Variants in MS4A4A observed in about 807,000 individuals in gnomAD.
MS4A4A encodes the protein membrane spanning 4-domains A4A, also known as membrane-spanning 4-domains subfamily A member 4A.
Under a neutral mutation model 28.0 loss-of-function variants are expected in MS4A4A, and 26 were observed. The ratio of observed to expected loss-of-function variants is 0.93; its 90% CI spans 0.68 to 1.29. The LOEUF is 1.29. Among genes scored for constraint, MS4A4A ranks in the 50% most tolerant of loss-of-function variants. The pLI is 0.00. For synonymous variants in MS4A4A, 86 were observed against 100.8 expected (o/e 0.85, Z 0.88); for missense variants, 290 against 293.1 (o/e 0.99, Z 0.08).
chr11:60,280,795 G>A (rs887883463), intron 1 of MS4A4A, 79 bp downstream of exon 1: 4 of 1,547,712 alleles, frequency 2.6e-6, no homozygotes, highest in Non-Finnish European at 3.5e-6. Context: ...TTCTGGGAGG[G>A]GAATGAGAAG....
intron 1 of MS4A4A, among the ~76,000 whole-genome samples, chr11:60,283,715 C>T (rs1367956707): frequency 6.6e-6 from 1 of 152,152 alleles, no homozygotes; most frequent in Non-Finnish European, 1.5e-5. Flanking sequence ...AAGGACAATT[C>T]CCTTAAGTGT....
chr11:60,301,087 A>G (rs755520504), intron 4 of MS4A4A, 30 bp downstream of exon 4: 11 of 1,507,702 alleles, frequency 7.3e-6, no homozygotes, highest in African/African-American at 1.4e-5. Context: ...TTTGGTATCA[A>G]AAAAAGGAAG....
intron 1 of MS4A4A, among the ~76,000 whole-genome samples, chr11:60,290,901 G>A (rs928286666): frequency 2.0e-5 from 3 of 151,982 alleles, no homozygotes; most frequent in African/African-American, 4.8e-5. Flanking sequence ...CAAATTTGGA[G>A]TACAACAATT....
chr11:60,294,786 T>C (rs2084887795), intron 2 of MS4A4A, among the ~76,000 whole-genome samples: 1 of 152,108 alleles, frequency 6.6e-6, no homozygotes, highest in South Asian at 2.1e-4. Flanking sequence ...CTTTCTACTC[T>C]ATTCCATTAT....
In MS4A4A at chr11:60,308,247, G is replaced by A. The variant is rs1204618975; in HGVS notation, c.*69G>A. 9 of 1,467,040 alleles carry A rather than the reference G, an allele frequency of 6.1e-6. No individual in the cohort carries two copies. Among genetic ancestry groups the A allele is most frequent in the Non-Finnish European group, 6.7e-6 (7 of 1,049,994 alleles). 90.9% of individuals were successfully genotyped at this position (1,467,040 alleles called of 1,614,324 possible). Reference sequence around the variant, plus strand: ...TGACTGTGACACAAGAGCCTCACATGAGAAATTACCAGTATCCAACTTCGA... The same window carrying A: ...TGACTGTGACACAAGAGCCTCACATAAGAAATTACCAGTATCCAACTTCGA... On this transcript the variant is annotated 3_prime_UTR_variant, in exon 7 of 7. Transcript: ENST00000337908.
chr11:60,304,051 G>GA (rs2084976745), intron 5 of MS4A4A, among the ~76,000 whole-genome samples: 1 of 152,136 alleles, frequency 6.6e-6, no homozygotes, highest in African/African-American at 2.4e-5. Flanking sequence ...CTCAAAATAA[G>GA]AAAAAGCTTC....
rs140807080 is a variant in MS4A4A at position 60,301,059 on chromosome 11, T to G, written c.387+2T>G. On this transcript the variant is annotated splice_donor_variant, in intron 4 of 6. Coordinates refer to ENST00000337908, the MANE Select transcript of MS4A4A (RefSeq NM_148975.3). LOFTEE classifies it high-confidence loss of function. Reference sequence around the variant, plus strand: ...GGAATTAGAACTACAAAAGGCCTGGTGAGTAATATTTTCTTTTTTTGGTAT... The same window carrying G: ...GGAATTAGAACTACAAAAGGCCTGGGGAGTAATATTTTCTTTTTTTGGTAT... 23 of 1,586,556 alleles carry G rather than the reference T, an allele frequency of 1.4e-5. No homozygotes were observed. The African/African-American group carries it at 2.2e-4, about 15-fold the overall frequency.
intron 1 of MS4A4A, chr11:60,290,242 A>G (rs4939331): frequency 0.2 from 53,510 of 262,016 alleles, 6,035 homozygotes; most frequent in South Asian, 0.3. Flanking sequence ...GATTATAAAC[A>G]GTAATTTATG....
In MS4A4A at chr11:60,303,500, G is replaced by A. The variant is rs556523739; in HGVS notation, c.546+783G>A. Among the ~76,000 whole-genome samples the A allele has an allele frequency of 2.6e-5, 4 of 152,276 alleles. No individual in the cohort carries two copies. The East Asian group carries it at 5.8e-4, about 22-fold the overall frequency. On this transcript the variant is annotated intron_variant, in intron 5 of 6. Coordinates refer to ENST00000337908, the MANE Select transcript of MS4A4A (RefSeq NM_148975.3). ...AGGTGGGTGGGTCACCTGAGGTCAG[G>A]AGTTCAAGACCAGCCTGGCCAACAT...
intron 1 of MS4A4A, among the ~76,000 whole-genome samples, 176 bp downstream of exon 1, chr11:60,280,892 G>A (rs2084750109): frequency 1.3e-5 from 2 of 152,084 alleles, no homozygotes; most frequent in South Asian, 4.2e-4. Context: ...TCGGTGGGGG[G>A]ATGAGGAACA....
chr11:60,298,093 G>T (rs2084921651), intron 3 of MS4A4A, among the ~76,000 whole-genome samples: 1 of 150,704 alleles, frequency 6.6e-6, no homozygotes, highest in Non-Finnish European at 1.5e-5. Context: ...AATTAGAATT[G>T]GAATTTAAAT....
At chr11:60,289,727 C>G (rs1010489729) in intron 1 of MS4A4A, among the ~76,000 whole-genome samples, 46 of 151,840 alleles carry the variant, frequency 3.0e-4, no homozygotes, top group African/African-American at 1.1e-3. Context: ...CACTTCTAAT[C>G]TTTTAACCTC....
At chr11:60,297,382 C>T (rs2084915569) in intron 3 of MS4A4A, 57 bp downstream of exon 3, 22 of 1,580,506 alleles carry the variant, frequency 1.4e-5, no homozygotes, top group Non-Finnish European at 1.6e-5. Context: ...TGTCAATACC[C>T]TGATCTTTGG....
At chr11:60,297,170 A>G (rs1436307635) in intron 2 of MS4A4A, 27 bp from the exon 3 acceptor site, 2 of 1,611,122 alleles carry the variant, frequency 1.2e-6, no homozygotes, top group African/African-American at 2.7e-5. Context: ...GTGGACAATC[A>G]GTTTTTGCTT....
At chr11:60,287,256 C>T (rs1039552379) in intron 1 of MS4A4A, among the ~76,000 whole-genome samples, 6 of 152,108 alleles carry the variant, frequency 3.9e-5, no homozygotes, top group Non-Finnish European at 5.9e-5. Flanking sequence ...GCTTATAGCT[C>T]TAGAGGCTGG....
chr11:60,290,225 T>C, intron 1 of MS4A4A: 1 of 293,982 alleles, frequency 3.4e-6, no homozygotes, highest in Non-Finnish European at 7.2e-6. Flanking sequence ...ATGTATTTAA[T>C]TCCCAGGATT....
chr11:60,308,018 C>T (rs1302779425), intron 6 of MS4A4A, 89 bp from the exon 7 acceptor site: 2 of 1,138,548 alleles, frequency 1.8e-6, no homozygotes, highest in Non-Finnish European at 2.6e-6. Flanking sequence ...AAAGAGTAAA[C>T]TCTGATAATG....
In MS4A4A at chr11:60,287,611, T is replaced by C. The variant is rs549810571; in HGVS notation, c.42-4614T>C. Reference sequence around the variant, plus strand: ...TCACATACAAAATACAATACTTCTGTCTCAATAGCCTCAAAATTTTTACCC... The same window carrying C: ...TCACATACAAAATACAATACTTCTGCCTCAATAGCCTCAAAATTTTTACCC... On this transcript the variant is annotated intron_variant, in intron 1 of 6. Coordinates refer to ENST00000337908, the MANE Select transcript of MS4A4A (RefSeq NM_148975.3). Among the ~76,000 whole-genome samples the C allele has an allele frequency of 2.0e-5, 3 of 152,308 alleles. No homozygotes were observed. In the South Asian group the frequency reaches 6.2e-4, roughly 32 times the overall value.
chr11:60,307,492 G>A (rs1159563722), intron 6 of MS4A4A, among the ~76,000 whole-genome samples: 4 of 152,178 alleles, frequency 2.6e-5, no homozygotes, highest in Admixed American at 2.6e-4. Context: ...TAAGTTTCAT[G>A]TCATAATATT....
Sources: allele counts gnomAD v4.1 joint callset (sites outside exome capture counted in the v4.1 genomes callset), GRCh38; gene constraint gnomAD v4.1.1; transcripts MANE v1.5; gene names NCBI Gene and HGNC (gene_info 2026-07-23, HGNC 2026-07-21).